Variants in CTRB2 observed in about 807,000 individuals in gnomAD.
CTRB2 encodes chymotrypsinogen B2, also known as chymotrypsin B2.
CTRB2 carries 9 observed loss-of-function variants against 19.3 expected under a neutral mutation model. The ratio of observed to expected loss-of-function variants is 0.47; its 90% confidence interval spans 0.28 to 0.81. The LOEUF (loss-of-function observed/expected upper bound fraction) is 0.81. Ranked by LOEUF, CTRB2 falls within the 40% of genes least tolerant of loss-of-function variation. CTRB2 has a pLI of 0.11. For missense variants in CTRB2, 210 were observed against 269.7 expected, an observed-to-expected ratio of 0.78 and a Z score of 1.55; for synonymous variants, 98 against 117.3, an observed-to-expected ratio of 0.84 and a Z score of 1.06.
In CTRB2 at chr16:75,204,732, C is replaced by T. The variant is rs1383529395; in HGVS notation, c.630+41G>A. 9 of 1,273,188 alleles carry T rather than the reference C, an allele frequency of 7.1e-6. 1 individual carries two copies. Among genetic ancestry groups the T allele is most frequent in the Non-Finnish European group, 9.6e-6 (9 of 939,538 alleles). The allele number at this position is 1,273,188 out of a possible 1,614,324, so 78.9% of individuals were successfully genotyped here. ...GTGGAAAGCCCAGACCTCCCCTGCA[C>T]CCCGCTCGCCTGGCCAGGGCCTGGG... On this transcript the variant is annotated intron_variant, in intron 6 of 6. Transcript: ENST00000303037.
chr16:75,207,147 C>T lies in CTRB2; in HGVS notation c.-6G>A, dbSNP rs764083507. The T allele has an allele frequency of 4.6e-5, 72 of 1,556,986 alleles. No individual in the cohort carries two copies. Among genetic ancestry groups the T allele is most frequent in the Middle Eastern group, 1.7e-4 (1 of 6,016 alleles). ...AGGAGCCAGAGGAAAGCCATGGTGCCGCTGGCAGGGGTGTAGGACGCCTGT... is the reference window on the plus strand; with the variant it reads ...AGGAGCCAGAGGAAAGCCATGGTGCTGCTGGCAGGGGTGTAGGACGCCTGT... On this transcript the variant is annotated 5_prime_UTR_variant, in exon 1 of 7. Coordinates refer to ENST00000303037, the MANE Select transcript of CTRB2 (RefSeq NM_001025200.4).
chr16:75,204,869 C>A lies in CTRB2; in HGVS notation c.534G>T (p.Leu178=). ...KTPDKLQQAA[L]PLLSNAECKK... ...TGCATTCGGCATTGGACAGGAGGGG[C>A]AGGGCTGCCTGCTGCAGCTTGTCAG... Residue 178 remains leucine (L), a synonymous_variant, in exon 6 of 7, where the codon CTG becomes CTT. Transcript: ENST00000303037. 8.2e-7 allele frequency: 1 copy of A among 1,213,100 alleles called. No homozygotes were observed. The highest frequency in any genetic ancestry group is 1.2e-6 in the Non-Finnish European group (1 of 867,180). The allele number at this position is 1,213,100 out of a possible 1,614,324, so 75.1% of individuals were successfully genotyped here.
At position 75,206,102 on chromosome 16, in the gene CTRB2, C is replaced by G; in HGVS notation, c.144G>C (p.Gln48His). ...EDAVPGSWPW[Q>H]VSLQDKTGFH... is the part of the protein sequence containing the mutation. ...AGAACCCCCTCACCTGCAGGGACAC[C>G]TGCCAGGGCCAGGAGCCGGGGACGG... The change falls in exon 2 of 7, where the codon CAG (glutamine) becomes CAC (histidine). Residue 48 changes from glutamine (Q) to histidine (H), a missense_variant. Around this residue, in one of 4 missense-constraint regions of CTRB2, gnomAD observed 57 missense variants for 72.6 expected, o/e 0.79. Coordinates refer to ENST00000303037, the MANE Select transcript of CTRB2 (RefSeq NM_001025200.4). The G allele has an allele frequency of 6.6e-7, 1 of 1,523,660 alleles. No homozygotes were observed. Among genetic ancestry groups the G allele is most frequent in the Admixed American group, 2.0e-5 (1 of 50,068 alleles). The allele number at this position is 1,523,660 out of a possible 1,614,324, so 94.4% of individuals were successfully genotyped here.
chr16:75,206,487 G>A (rs546792887), intron 1 of CTRB2: 2 of 497,340 alleles, frequency 4.0e-6, no homozygotes, highest in Non-Finnish European at 7.1e-6. Flanking sequence ...GCTCAGTCTG[G>A]GAGGCCAGAC....
intron 1 of CTRB2, 37 bp from the exon 2 acceptor site, chr16:75,206,230 C>A (rs997510459): frequency 1.9e-6 from 3 of 1,538,508 alleles, no homozygotes; most frequent in Non-Finnish European, 2.6e-6. Flanking sequence ...GGGTACCACC[C>A]ACCCAGGTCC....
At chr16:75,206,050 C>A in intron 2 of CTRB2, 40 bp downstream of exon 2, 1 of 1,370,988 alleles carries the variant, frequency 7.3e-7, no homozygotes, top group Non-Finnish European at 9.8e-7. Flanking sequence ...CCAGCCTGGC[C>A]CCTACCCAGG....
In CTRB2 at chr16:75,204,674, G is replaced by C. The variant is rs199551724; in HGVS notation, c.630+99C>G. 2.6e-6 allele frequency: 4 copies of C among 1,548,896 alleles called. No homozygotes were observed. The Admixed American group carries it at 7.8e-5, about 30-fold the overall frequency. On this transcript the variant is annotated intron_variant, in intron 6 of 6. Coordinates refer to ENST00000303037, the MANE Select transcript of CTRB2 (RefSeq NM_001025200.4). ...GCCTGGCCCTCACTGGGCCCCAGGA[G>C]GGTGTGGGGTTAGTAGATGAGAGCA...
At chr16:75,207,066 G>C in intron 1 of CTRB2, 24 bp downstream of exon 1, 1 of 1,550,492 alleles carries the variant, frequency 6.4e-7, no homozygotes, top group Non-Finnish European at 8.7e-7. Flanking sequence ...AAACCCTTCG[G>C]CCTCCGCAGG....
At chr16:75,206,432 G>A (rs367937992) in intron 1 of CTRB2, 9 of 573,772 alleles carry the variant, frequency 1.6e-5, no homozygotes, top group East Asian at 2.9e-5. Flanking sequence ...ACCTCAGTTC[G>A]GAGAAGTCAC....
At chr16:75,206,811 C>A in intron 1 of CTRB2, 1 of 481,852 alleles carries the variant, frequency 2.1e-6, no homozygotes, top group Non-Finnish European at 3.8e-6. Flanking sequence ...CGGACACCTG[C>A]CTCCTCCCCC....
chr16:75,204,156 C>T lies in CTRB2; in HGVS notation c.*5G>A, dbSNP rs759239567. The T allele has an allele frequency of 2.4e-5, 38 of 1,614,096 alleles. No individual in the cohort carries two copies. The highest frequency in any genetic ancestry group is 3.3e-4 in the Middle Eastern group (2 of 6,062). On this transcript the variant is annotated 3_prime_UTR_variant, in exon 7 of 7. Transcript: ENST00000303037. ...CTTAAGGCAGGGGTGGCAGGAGCTG[C>T]GGGCTCAGTTGGCGGCCAGGATCTT...
rs544702694 is a variant in CTRB2, at chr16:75,206,680, G to A, written c.52+410C>T. ...GCAGGAGTTTAAGAGGGTGAGGCTCGAGGTTCTGAAAGGTTTGGACTGAAC... is the reference window on the plus strand; with the variant it reads ...GCAGGAGTTTAAGAGGGTGAGGCTCAAGGTTCTGAAAGGTTTGGACTGAAC... On this transcript the variant is annotated intron_variant, in intron 1 of 6. Transcript: ENST00000303037. 432 of 317,812 alleles carry A rather than the reference G, an allele frequency of 1.4e-3. 1 individual carries two copies. The highest frequency in any genetic ancestry group is 8.6e-3 in the African/African-American group (398 of 46,286). 19.7% of individuals were successfully genotyped at this position (317,812 alleles called of 1,614,324 possible). A position where few individuals can be genotyped will look rare whatever the true frequency, so the allele number is the denominator to read the frequency against.
chr16:75,206,219 T>C (rs1383534910), intron 1 of CTRB2, 26 bp from the exon 2 acceptor site: 1 of 1,547,352 alleles, frequency 6.5e-7, no homozygotes, highest in Admixed American at 2.0e-5. Context: ...GGCTGAGGGG[T>C]GGGTACCACC....
rs759260667 is a variant in CTRB2 at position 75,207,090 on chromosome 16, C to T, written c.52G>A (p.Gly18Ser). 1.6e-5 allele frequency: 25 copies of T among 1,554,962 alleles called. No individual in the cohort carries two copies. Among genetic ancestry groups the T allele is most frequent in the South Asian group, 7.1e-5 (6 of 84,368 alleles). The change falls in exon 1 of 7, where the codon GGC (glycine) becomes AGC (serine). Residue 18 changes from glycine (G) to serine (S), a missense_variant and splice_region_variant. Physicochemically the swap from Gly to Ser is moderately conservative, Grantham distance 56. Around this residue, in one of 4 missense-constraint regions of CTRB2, gnomAD observed 57 missense variants for 72.6 expected, o/e 0.79. Transcript: ENST00000303037. Reference protein sequence around the residue: ...SCWALLGTTFGCGVPAIHPVL... With the variant: ...SCWALLGTTFSCGVPAIHPVL... ...GGCCTCCGCAGGGCCTGGCACTCAC[C>T]GAAGGTGGTACCCAGGAGGGCCCAG... is the stretch of plus-strand genomic sequence containing the variant.
At chr16:75,204,443 G>A (rs2038870756) in intron 6 of CTRB2, 121 bp from the exon 7 acceptor site, 1 of 1,044,754 alleles carries the variant, frequency 9.6e-7, no homozygotes, top group Non-Finnish European at 1.4e-6. Flanking sequence ...TAGGGGCTGT[G>A]CCGGGGTCCT....
At chr16:75,206,945 G>A (rs969329078) in intron 1 of CTRB2, 145 bp downstream of exon 1, 6 of 779,524 alleles carry the variant, frequency 7.7e-6, no homozygotes, top group Admixed American at 6.2e-5. Flanking sequence ...CAGCGCCCAC[G>A]GCAGAGATGG....
intron 6 of CTRB2, 93 bp downstream of exon 6, chr16:75,204,680 G>A: frequency 6.5e-7 from 1 of 1,547,766 alleles, no homozygotes; most frequent in Non-Finnish European, 8.7e-7. Context: ...AGGAGGGTGT[G>A]GGGTTAGTAG....
intron 6 of CTRB2, 130 bp downstream of exon 6, chr16:75,204,643 C>A: frequency 2.0e-6 from 3 of 1,522,002 alleles, no homozygotes; most frequent in Admixed American, 4.0e-5. Flanking sequence ...CGGCTGTGAC[C>A]CCAAGGCCTG....
intron 5 of CTRB2, chr16:75,205,118 A>AGGGCTCACCCGGCC: frequency 4.9e-6 from 1 of 202,228 alleles, no homozygotes; most frequent in Non-Finnish European, 8.4e-6. Flanking sequence ...CAGCCAGGGC[A>AGGGCTCACCCGGCC]GGGCTCACCC....
Sources: allele counts gnomAD v4.1 joint callset, GRCh38; gene constraint gnomAD v4.1.1; regional missense constraint gnomAD v4.1.1; transcripts MANE v1.5; gene names NCBI Gene and HGNC (gene_info 2026-07-23, HGNC 2026-07-21).